Variants in SGIP1 observed in about 807,000 individuals in gnomAD.
The protein encoded by SGIP1 is SH3-containing GRB2-like protein 3-interacting protein 1.
Under a neutral mutation model 107.5 loss-of-function variants are expected in SGIP1, and 38 were observed. The observed-to-expected ratio is 0.35, with a 90% confidence interval of 0.27 to 0.46. The LOEUF is 0.46. SGIP1 is among the 20% of genes least tolerant of loss of function. The pLI is 1.00. For synonymous variants in SGIP1, 365 were observed against 366.1 expected, an observed-to-expected ratio of 1.00 and a Z score of 0.03; for missense variants, 929 against 1,019.5, an observed-to-expected ratio of 0.91 and a Z score of 1.21.
At chr1:66,639,699 A>G (rs924130043) in intron 4 of SGIP1, 78 bp from the exon 5 acceptor site, 3 of 1,182,754 alleles carry the variant, frequency 2.5e-6, no homozygotes, top group Non-Finnish European at 3.8e-6. Context: ...CTAAATGCAG[A>G]TAAGAGTTAA....
At chr1:66,583,520 A>G (rs2062112187) in intron 1 of SGIP1, among the ~76,000 whole-genome samples, 1 of 152,100 alleles carries the variant, frequency 6.6e-6, no homozygotes, top group Non-Finnish European at 1.5e-5. Context: ...TTTTATTTTC[A>G]TAAAAAAATA....
chr1:66,651,993 A>G (rs1285362701), intron 7 of SGIP1, among the ~76,000 whole-genome samples: 1 of 152,192 alleles, frequency 6.6e-6, no homozygotes, highest in African/African-American at 2.4e-5. Context: ...TGAAATGAGT[A>G]GCAGCACTAT....
At chr1:66,653,399 T>C (rs933653693) in intron 7 of SGIP1, among the ~76,000 whole-genome samples, 1 of 152,032 alleles carries the variant, frequency 6.6e-6, no homozygotes, top group African/African-American at 2.4e-5. Context: ...TAAAAAGAAA[T>C]CCCTGAGCTG....
intron 1 of SGIP1, among the ~76,000 whole-genome samples, chr1:66,595,423 G>T (rs1282193871): frequency 1.3e-5 from 2 of 152,300 alleles, no homozygotes; most frequent in African/African-American, 4.8e-5. Flanking sequence ...AGGCCACAAA[G>T]AAGTCATCAG....
At chr1:66,650,180 A>G (rs1282543058) in intron 7 of SGIP1, among the ~76,000 whole-genome samples, 2 of 152,176 alleles carry the variant, frequency 1.3e-5, no homozygotes, top group Non-Finnish European at 2.9e-5. Flanking sequence ...TCAAACTGGG[A>G]AAAGGTGTTT....
chr1:66,725,960 C>T (rs979277966), intron 19 of SGIP1, among the ~76,000 whole-genome samples: 36 of 152,344 alleles, frequency 2.4e-4, no homozygotes, highest in African/African-American at 7.9e-4. Flanking sequence ...AAGAATCCAT[C>T]TGCATTGCAA....
In SGIP1 at chr1:66,568,781, A is replaced by G. The variant is rs544116533; in HGVS notation, c.10+34413A>G. 8.9e-4 allele frequency among the ~76,000 whole-genome samples: 135 copies of G among 152,114 alleles called. 1 individual carries two copies. The highest frequency in any genetic ancestry group is 4.4e-5 in the Non-Finnish European group (3 of 67,942). ...ATGACAAAAACCACATGATTATCTCAATAGATGCAGAAAAGGCCTTTGATA... is the reference window on the plus strand; with the variant it reads ...ATGACAAAAACCACATGATTATCTCGATAGATGCAGAAAAGGCCTTTGATA... On this transcript the variant is annotated intron_variant, in intron 1 of 24. Transcript: ENST00000371037.
At chr1:66,669,214 T>C (rs923456956) in intron 9 of SGIP1, among the ~76,000 whole-genome samples, 1 of 152,256 alleles carries the variant, frequency 6.6e-6, no homozygotes, top group African/African-American at 2.4e-5. Context: ...ATAAAAATGT[T>C]ACAGGGGCTT....
intron 8 of SGIP1, chr1:66,666,724 C>G (rs1041878883): frequency 2.0e-5 from 3 of 152,238 alleles, no homozygotes; most frequent in African/African-American, 7.2e-5. Flanking sequence ...ATTTTATTCT[C>G]TTTGAAGCAA....
intron 16 of SGIP1, 98 bp from the exon 17 acceptor site, chr1:66,690,092 T>C: frequency 7.2e-7 from 1 of 1,389,790 alleles, no homozygotes; most frequent in Non-Finnish European, 1.0e-6. Context: ...TTCAGATACC[T>C]AAGTTGTCAT....
chr1:66,535,477 G>A (rs1475958853), intron 1 of SGIP1, among the ~76,000 whole-genome samples: 1 of 152,190 alleles, frequency 6.6e-6, no homozygotes, highest in African/African-American at 2.4e-5. Context: ...GAGGAGGAAG[G>A]TTTCATAAAA....
At chr1:66,720,568 A>T (rs1404002780) in intron 19 of SGIP1, among the ~76,000 whole-genome samples, 3 of 152,094 alleles carry the variant, frequency 2.0e-5, no homozygotes, top group Non-Finnish European at 4.4e-5. Context: ...CTCTGCAAAA[A>T]ATACAAAAAT....
intron 1 of SGIP1, among the ~76,000 whole-genome samples, chr1:66,594,190 A>G (rs1046645745): frequency 1.3e-4 from 20 of 149,258 alleles, no homozygotes; most frequent in Admixed American, 8.0e-4. Context: ...GCTATGTGAA[A>G]GGAAAAAAAT....
intron 9 of SGIP1, among the ~76,000 whole-genome samples, chr1:66,670,255 A>G (rs913614878): frequency 6.6e-6 from 1 of 152,222 alleles, no homozygotes; most frequent in Non-Finnish European, 1.5e-5. Flanking sequence ...CAATCCTTTT[A>G]CTATCTAAAT....
chr1:66,565,328 G>T (rs569224087), intron 1 of SGIP1, among the ~76,000 whole-genome samples: 1 of 151,988 alleles, frequency 6.6e-6, no homozygotes, highest in Admixed American at 6.6e-5. Flanking sequence ...TTGATGGCCT[G>T]ATTTTCATTT....
chr1:66,680,197 C>A (rs972783688), intron 14 of SGIP1, among the ~76,000 whole-genome samples: 2 of 152,144 alleles, frequency 1.3e-5, no homozygotes, highest in African/African-American at 4.8e-5. Flanking sequence ...GGGTGTGCAG[C>A]ATACTGGTGG....
At chr1:66,707,132 TTTACTTGA>T (rs1176982857) in intron 18 of SGIP1, among the ~76,000 whole-genome samples, 1 of 152,150 alleles carries the variant, frequency 6.6e-6, no homozygotes, top group African/African-American at 2.4e-5. Flanking sequence ...GTGTGCTGCA[TTTACTTGA>T]TCCCAAGAAG....
intron 1 of SGIP1, among the ~76,000 whole-genome samples, chr1:66,583,488 T>C (rs1570004479): frequency 1.3e-5 from 2 of 152,272 alleles, no homozygotes; most frequent in East Asian, 3.9e-4. Context: ...GTTTCACCTT[T>C]GCAGAAATTC....
intron 1 of SGIP1, among the ~76,000 whole-genome samples, chr1:66,619,330 C>A (rs1040835974): frequency 2.0e-5 from 3 of 152,210 alleles, no homozygotes; most frequent in African/African-American, 7.2e-5. Flanking sequence ...TTAGAGAAAG[C>A]AATGTGTAGC....
Sources: gnomAD v4.1 joint callset for allele counts (sites outside exome capture counted in the v4.1 genomes callset) on GRCh38, gnomAD v4.1.1 for gene constraint, MANE v1.5 for transcripts, NCBI Gene and HGNC (gene_info 2026-07-23, HGNC 2026-07-21) for gene names.